IL1RN: variants seen among roughly 807,000 people sequenced by gnomAD.
IL1RN encodes interleukin-1 receptor antagonist protein.
A neutral mutation model predicts 13.7 loss-of-function variants in IL1RN; 10 were observed. That is an observed-to-expected ratio of 0.73 (90% CI 0.45 to 1.24). The LOEUF is 1.24. Ranked by LOEUF, IL1RN falls within the 50% of genes most tolerant of loss-of-function variation. The pLI, the probability that IL1RN is intolerant of heterozygous loss-of-function variation, is 0.00. For synonymous variants in IL1RN, 102 were observed against 82.7 expected, an observed-to-expected ratio of 1.23 and a Z score of -1.27; for missense variants, 213 against 222.1, an observed-to-expected ratio of 0.96 and a Z score of 0.26.
chr2:113,125,505 G>A (rs1686924151), upstream of IL1RN, among the ~76,000 whole-genome samples: 1 of 152,200 alleles, frequency 6.6e-6, no homozygotes, highest in African/African-American at 2.4e-5. Context: ...CACCCAGGGA[G>A]GTGACACAAT....
chr2:113,110,342 T>C (rs1311583865), upstream of IL1RN, among the ~76,000 whole-genome samples: 1 of 152,216 alleles, frequency 6.6e-6, no homozygotes, highest in Non-Finnish European at 1.5e-5. Context: ...GCTTTTTTTC[T>C]GTGCTGTGGG....
chr2:113,121,096 C>A (rs1295789595), intron 2 of IL1RN, among the ~76,000 whole-genome samples: 1 of 137,256 alleles, frequency 7.3e-6, no homozygotes, highest in South Asian at 2.4e-4. Context: ...CTTCTTCTTC[C>A]TCTTCCTCTT....
the IL1RN span, among the ~76,000 whole-genome samples, chr2:113,101,994 C>T: frequency 9.6e-4 from 146 of 152,156 alleles, no homozygotes; most frequent in African/African-American, 3.3e-3. Flanking sequence ...CTCGAACTCC[C>T]GAACTCAGGT....
chr2:113,120,146 T>C lies in IL1RN; in HGVS notation c.73+18T>C. 6.3e-7 allele frequency: 1 copy of C among 1,598,520 alleles called. No homozygotes were observed. Among genetic ancestry groups the C allele is most frequent in the Non-Finnish European group, 8.6e-7 (1 of 1,166,406 alleles). Reference sequence around the variant, plus strand: ...CTCAAAGGGTAAATTATTTTTAGGATCCAAGTTTGAAAACAATTTTAGGCT... The same window carrying C: ...CTCAAAGGGTAAATTATTTTTAGGACCCAAGTTTGAAAACAATTTTAGGCT... On this transcript the variant is annotated intron_variant, in intron 2 of 5. Transcript: ENST00000259206.
At chr2:113,106,385 G>A (rs1473490176), upstream of IL1RN, among the ~76,000 whole-genome samples, 2 of 152,156 alleles carry the variant, frequency 1.3e-5, no homozygotes, top group Non-Finnish European at 2.9e-5. Context: ...TTTGAGATAT[G>A]CATTCTTATC....
In IL1RN at chr2:113,127,705, C is replaced by T; in HGVS notation, c.81C>T (p.Pro27=). ...FLFHSETICR[P]SGRKSSKMQA... is the part of the protein sequence containing the mutation. ...TCCATTCAGAGACGATCTGCCGACCCTCTGGGAGAAAATCCAGCAAGATGC... is the reference window on the plus strand; with the variant it reads ...TCCATTCAGAGACGATCTGCCGACCTTCTGGGAGAAAATCCAGCAAGATGC... The change falls in exon 1 of 4, where the codon CCC becomes CCT. Residue 27 remains proline (P), a synonymous_variant. Transcript: ENST00000409930. 1 of 1,614,068 alleles carries T rather than the reference C, an allele frequency of 6.2e-7. No individual in the cohort carries two copies. Among genetic ancestry groups the T allele is most frequent in the South Asian group, 1.1e-5 (1 of 91,080 alleles).
chr2:113,131,671 C>T lies in IL1RN; in HGVS notation c.318+514C>T, dbSNP rs143296356. ...CCTTGCTCAAGGGCCCCCCTACCCA[C>T]GCAGACCTGCTGTCTTCTAGCAAAG... is the stretch of plus-strand genomic sequence containing the variant. On this transcript the variant is annotated intron_variant, in intron 3 of 3. Transcript: ENST00000409930. 9.2e-5 allele frequency among the ~76,000 whole-genome samples: 14 copies of T among 152,200 alleles called. 1 individual carries two copies. The highest frequency in any genetic ancestry group is 6.8e-3 in the Middle Eastern group (2 of 294).
upstream of IL1RN, among the ~76,000 whole-genome samples, chr2:113,106,933 T>A (rs1193224060): frequency 2.0e-5 from 3 of 152,202 alleles, no homozygotes; most frequent in Non-Finnish European, 4.4e-5. Flanking sequence ...ATACAGTTAT[T>A]GAAGTAAAAA....
Position 113,132,976 on chromosome 2 carries a change from C to T in IL1RN, c.*105C>T. 9.1e-7 allele frequency: 1 copy of T among 1,096,900 alleles called. No individual in the cohort carries two copies. Among genetic ancestry groups the T allele is most frequent in the Non-Finnish European group, 1.4e-6 (1 of 717,742 alleles). 67.9% of individuals were successfully genotyped at this position (1,096,900 alleles called of 1,614,324 possible). A position where few individuals can be genotyped will look rare whatever the true frequency, so the allele number is the denominator to read the frequency against. On this transcript the variant is annotated 3_prime_UTR_variant, in exon 4 of 4. Transcript: ENST00000409930. ...GGCTATGGGGGCACTGAGGACCAGC[C>T]ATTGAGGGGTGGACCCTCAGAAGGC... is the stretch of plus-strand genomic sequence containing the variant.
At chr2:113,117,961 C>T in exon 1 of IL1RN, 2 of 1,029,348 alleles carry the variant, frequency 1.9e-6, no homozygotes, top group Non-Finnish European at 3.1e-6. Context: ...GGCAGCAGCT[C>T]AGTTGAGTTA....
upstream of IL1RN, among the ~76,000 whole-genome samples, chr2:113,125,707 A>G (rs1460364819): frequency 6.6e-6 from 1 of 152,256 alleles, no homozygotes; most frequent in Non-Finnish European, 1.5e-5. Flanking sequence ...ATCAAGATCA[A>G]CTGCTGTAGT....
At chr2:113,101,247 G>A in the IL1RN span, among the ~76,000 whole-genome samples, 1 of 152,288 alleles carries the variant, frequency 6.6e-6, no homozygotes, top group African/African-American at 2.4e-5. Context: ...TCTGGTAGAC[G>A]CAGTGGGGGT....
intron 2 of IL1RN, among the ~76,000 whole-genome samples, chr2:113,122,032 T>C (rs1289282763): frequency 2.0e-5 from 3 of 152,156 alleles, no homozygotes; most frequent in Non-Finnish European, 4.4e-5. Flanking sequence ...TTTACAAAGT[T>C]TGGAAAACAA....
chr2:113,115,325 C>T (rs148419347), upstream of IL1RN, among the ~76,000 whole-genome samples: 499 of 152,192 alleles, frequency 3.3e-3, 4 homozygotes, highest in African/African-American at 0.011. Context: ...GATTTCCATT[C>T]CCATAGTAGG....
intron 1 of IL1RN, among the ~76,000 whole-genome samples, chr2:113,112,827 G>A (rs1193364034): frequency 3.3e-5 from 5 of 152,298 alleles, no homozygotes; most frequent in Admixed American, 6.5e-5. Context: ...CTTGCTGACC[G>A]TTGTATCCTC....
chr2:113,122,612 T>C (rs939283891), upstream of IL1RN, among the ~76,000 whole-genome samples: 4 of 152,196 alleles, frequency 2.6e-5, no homozygotes, highest in Non-Finnish European at 4.4e-5. Flanking sequence ...TATCCAAGTT[T>C]AATCCATCTG....
At chr2:113,118,086 A>T in intron 1 of IL1RN, 1 of 1,613,206 alleles carries the variant, frequency 6.2e-7, no homozygotes, top group Non-Finnish European at 8.5e-7. Context: ...AAATGTCTAC[A>T]ATTGGTGTTT....
chr2:113,127,590 G>A (rs56046326), upstream of IL1RN: 565 of 1,611,070 alleles, frequency 3.5e-4, no homozygotes, highest in Middle Eastern at 1.2e-3. Context: ...CTCTGGGCCC[G>A]CAATGGCAGT....
At chr2:113,110,218 G>A (rs1050032508), upstream of IL1RN, among the ~76,000 whole-genome samples, 3 of 152,196 alleles carry the variant, frequency 2.0e-5, no homozygotes, top group African/African-American at 7.2e-5. Context: ...TTCTGGTCCG[G>A]CAGTAGTGCC....
Sources: allele counts gnomAD v4.1 joint callset (sites outside exome capture counted in the v4.1 genomes callset), GRCh38; gene constraint gnomAD v4.1.1; transcripts MANE v1.5; gene names NCBI Gene and HGNC (gene_info 2026-07-23, HGNC 2026-07-21).